Variants in RHOBTB3 observed in about 807,000 individuals in gnomAD.
RHOBTB3 encodes the protein rho-related BTB domain-containing protein 3.
RHOBTB3 carries 47 observed loss-of-function variants against 67.2 expected under a neutral mutation model. The observed-to-expected ratio is 0.70, with a 90% confidence interval of 0.55 to 0.89. The LOEUF is 0.89. Ranked by LOEUF, RHOBTB3 falls within the 40% of genes least tolerant of loss-of-function variation. RHOBTB3 has a pLI of 0.00. For missense variants in RHOBTB3, 631 were observed against 750.0 expected (o/e 0.84, Z 1.85); for synonymous variants, 273 against 274.2 (o/e 1.00, Z 0.04).
In RHOBTB3 at chr5:95,763,628, G is replaced by A; in HGVS notation, c.1161+8G>A. 6.7e-7 allele frequency: 1 copy of A among 1,503,226 alleles called. No homozygotes were observed. Among genetic ancestry groups the A allele is most frequent in the East Asian group, 2.3e-5 (1 of 44,228 alleles). 93.1% of individuals were successfully genotyped at this position (1,503,226 alleles called of 1,614,324 possible). A position where few individuals can be genotyped will look rare whatever the true frequency, so the allele number is the denominator to read the frequency against. ...TTAAAAACACCAGGAAAGGTAAGTT[G>A]ATTTGTTGTAAGTTAGTTTACTTTG... On this transcript the variant is annotated splice_region_variant and intron_variant, in intron 7 of 11. Coordinates refer to ENST00000379982, the MANE Select transcript of RHOBTB3 (RefSeq NM_014899.4).
At chr5:95,780,805 C>A (rs953429024) in intron 9 of RHOBTB3, among the ~76,000 whole-genome samples, 4 of 152,088 alleles carry the variant, frequency 2.6e-5, no homozygotes, top group African/African-American at 9.7e-5. Context: ...AGGAGGGTTG[C>A]GCAACTGCTT....
upstream of RHOBTB3, among the ~76,000 whole-genome samples, chr5:95,729,603 C>T (rs934495219): frequency 1.5e-4 from 23 of 152,246 alleles, no homozygotes; most frequent in East Asian, 4.4e-3. Flanking sequence ...TATATATGCA[C>T]CTCATGCAAC....
chr5:95,746,650 T>G (rs1744925357), intron 3 of RHOBTB3, among the ~76,000 whole-genome samples: 1 of 152,216 alleles, frequency 6.6e-6, no homozygotes, highest in Non-Finnish European at 1.5e-5. Flanking sequence ...ACTATATTTT[T>G]ATTTTTCCTT....
chr5:95,776,726 A>G lies in RHOBTB3; in HGVS notation c.1283-3526A>G, dbSNP rs115377103. 8.6e-3 allele frequency among the ~76,000 whole-genome samples: 1,307 copies of G among 152,260 alleles called. 10 individuals are homozygous for G. Among genetic ancestry groups the G allele is most frequent in the Middle Eastern group, 0.027 (8 of 294 alleles). On this transcript the variant is annotated intron_variant, in intron 8 of 11. Transcript: ENST00000379982. ...GCATACTTACTATGTAGGTTTGGCT[A>G]TGTTACTTTACATTTCTGGTTCTTT...
intron 5 of RHOBTB3, among the ~76,000 whole-genome samples, chr5:95,753,211 A>ATG (rs972591006): frequency 6.9e-6 from 1 of 144,542 alleles, no homozygotes; most frequent in African/African-American, 2.6e-5. Flanking sequence ...AGCTGTGTGT[A>ATG]TGTGTGTGTG....
At chr5:95,792,492 T>G (rs1746436418) in intron 11 of RHOBTB3, among the ~76,000 whole-genome samples, 1 of 150,304 alleles carries the variant, frequency 6.7e-6, no homozygotes, top group South Asian at 2.1e-4. Context: ...AACAAAAGCT[T>G]TATTGGAAAA....
intron 3 of RHOBTB3, among the ~76,000 whole-genome samples, chr5:95,737,979 G>A (rs1294759070): frequency 6.6e-6 from 1 of 152,192 alleles, no homozygotes; most frequent in Non-Finnish European, 1.5e-5. Flanking sequence ...TATATGGTAT[G>A]TAGTAGTGCC....
Position 95,748,977 on chromosome 5 carries a change from T to C in RHOBTB3, c.570+490T>C, listed in dbSNP as rs142458634. Among the ~76,000 whole-genome samples, 1,422 of 152,334 alleles carry C rather than the reference T, an allele frequency of 9.3e-3. 40 individuals carry two copies. The highest frequency in any genetic ancestry group is 0.055 in the Admixed American group (839 of 15,292). On this transcript the variant is annotated intron_variant, in intron 4 of 11. Transcript: ENST00000379982. ...GATTCAGAGGAACTACTTATATAAA[T>C]AGCTGCTTGTTGGATATGTGGGAGC... is the stretch of plus-strand genomic sequence containing the variant.
At chr5:95,736,093 A>G (rs893428729) in intron 2 of RHOBTB3, among the ~76,000 whole-genome samples, 3 of 152,230 alleles carry the variant, frequency 2.0e-5, no homozygotes, top group African/African-American at 7.2e-5. Context: ...CAGAAAAAAA[A>G]TCAAAACATT....
intron 7 of RHOBTB3, among the ~76,000 whole-genome samples, chr5:95,766,125 A>G (rs1042805288): frequency 2.6e-5 from 4 of 152,062 alleles, no homozygotes; most frequent in African/African-American, 9.7e-5. Flanking sequence ...TGTTTTGCTT[A>G]TGGATACCAT....
chr5:95,741,028 A>G (rs1422552356), intron 3 of RHOBTB3, among the ~76,000 whole-genome samples: 1 of 152,190 alleles, frequency 6.6e-6, no homozygotes, highest in East Asian at 1.9e-4. Context: ...CATTTTTACT[A>G]TTATTTAAGA....
intron 8 of RHOBTB3, among the ~76,000 whole-genome samples, chr5:95,768,512 C>G (rs1333374854): frequency 6.6e-6 from 1 of 152,096 alleles, no homozygotes; most frequent in Non-Finnish European, 1.5e-5. Context: ...AGCTAACCCC[C>G]TTAAAATTAT....
At chr5:95,792,521 G>T (rs1008769819) in intron 11 of RHOBTB3, among the ~76,000 whole-genome samples, 1 of 151,998 alleles carries the variant, frequency 6.6e-6, no homozygotes, top group African/African-American at 2.4e-5. Context: ...AGCCAGGCGT[G>T]GTGGCTCATG....
At chr5:95,770,552 G>A (rs1395290746) in intron 8 of RHOBTB3, 1 of 400,042 alleles carries the variant, frequency 2.5e-6, no homozygotes, top group Non-Finnish European at 5.1e-6. Flanking sequence ...GGTGGAAGAG[G>A]AATCATTGGC....
chr5:95,731,712 G>C, intron 1 of RHOBTB3, 28 bp downstream of exon 1: 1 of 1,613,236 alleles, frequency 6.2e-7, no homozygotes. Context: ...TCCTGCCATT[G>C]TCTCTCTCCA....
At chr5:95,756,786 T>G (rs1225338284) in intron 6 of RHOBTB3, among the ~76,000 whole-genome samples, 1 of 152,230 alleles carries the variant, frequency 6.6e-6, no homozygotes, top group African/African-American at 2.4e-5. Context: ...TATGTTTTTG[T>G]ATTTGCCTTG....
upstream of RHOBTB3, chr5:95,730,909 C>A (rs968792531): frequency 2.2e-6 from 1 of 456,784 alleles, no homozygotes; most frequent in Admixed American, 2.4e-5. Context: ...AAAGCACTTT[C>A]GGTCAAGGCC....
intron 5 of RHOBTB3, among the ~76,000 whole-genome samples, chr5:95,752,968 A>G (rs958734938): frequency 6.6e-6 from 1 of 152,022 alleles, no homozygotes; most frequent in Non-Finnish European, 1.5e-5. Context: ...CGTCTCCACT[A>G]AAAATACAAA....
At chr5:95,763,667 TA>T in intron 7 of RHOBTB3, 47 bp downstream of exon 7, 1 of 1,028,250 alleles carries the variant, frequency 9.7e-7, no homozygotes, top group South Asian at 1.3e-5. Flanking sequence ...CTCTGAATTA[TA>T]ACTCACATAC....
Sources: gnomAD v4.1 joint callset for allele counts (sites outside exome capture counted in the v4.1 genomes callset) on GRCh38, gnomAD v4.1.1 for gene constraint, MANE v1.5 for transcripts, NCBI Gene and HGNC (gene_info 2026-07-23, HGNC 2026-07-21) for gene names.